Variants in VTI1A observed in about 807,000 individuals in gnomAD.
VTI1A encodes the protein vesicle transport through interaction with t-SNAREs homolog 1A.
VTI1A carries 22 observed loss-of-function variants against 34.9 expected under a neutral mutation model. The observed-to-expected ratio is 0.63, with a 90% CI of 0.45 to 0.90. The LOEUF is 0.90. VTI1A is among the 40% of genes least tolerant of loss of function. VTI1A has a pLI of 0.00. For synonymous variants in VTI1A, 87 were observed against 97.3 expected (o/e 0.89, Z 0.62); for missense variants, 268 against 275.6 (o/e 0.97, Z 0.20).
chr10:112,704,589 C>A (rs1229704990), intron 7 of VTI1A, among the ~76,000 whole-genome samples: 1 of 152,132 alleles, frequency 6.6e-6, no homozygotes, highest in African/African-American at 2.4e-5. Context: ...GAAATTGAGA[C>A]TGTTTTTAAT....
At chr10:112,706,295 C>A (rs1849196093) in intron 7 of VTI1A, among the ~76,000 whole-genome samples, 1 of 152,136 alleles carries the variant, frequency 6.6e-6, no homozygotes, top group Admixed American at 6.6e-5. Flanking sequence ...GTCATCATAG[C>A]CATAGGGATA....
intron 7 of VTI1A, among the ~76,000 whole-genome samples, chr10:112,709,879 CAG>C (rs1486057737): frequency 6.7e-6 from 1 of 148,876 alleles, no homozygotes; most frequent in East Asian, 2.0e-4. Context: ...TTAGTAGAGA[CAG>C]AGTTTCACCA....
intron 5 of VTI1A, among the ~76,000 whole-genome samples, chr10:112,646,237 C>A (rs556599430): frequency 2.5e-4 from 38 of 151,774 alleles, no homozygotes; most frequent in East Asian, 7.7e-4. Context: ...CTGAAAAAAA[C>A]CAAAACAAAA....
At chr10:112,465,722 G>T (rs997582340) in intron 3 of VTI1A, among the ~76,000 whole-genome samples, 4 of 152,136 alleles carry the variant, frequency 2.6e-5, no homozygotes, top group African/African-American at 9.7e-5. Context: ...GAGAAATGGA[G>T]AGTTGTTTCA....
At chr10:112,494,591 C>G (rs905143682) in intron 3 of VTI1A, among the ~76,000 whole-genome samples, 4 of 152,182 alleles carry the variant, frequency 2.6e-5, no homozygotes, top group African/African-American at 7.2e-5. Flanking sequence ...TCACTGCAAC[C>G]TCCGCCTCCC....
At chr10:112,618,693 T>G (rs778875293) in intron 5 of VTI1A, among the ~76,000 whole-genome samples, 1 of 151,700 alleles carries the variant, frequency 6.6e-6, no homozygotes, top group South Asian at 2.1e-4. Flanking sequence ...AGTTAGAACA[T>G]GCATACCATA....
intron 5 of VTI1A, among the ~76,000 whole-genome samples, chr10:112,562,231 CAA>C (rs1851746922): frequency 1.3e-5 from 2 of 152,256 alleles, no homozygotes; most frequent in South Asian, 4.2e-4. Flanking sequence ...CGTCCAGAAA[CAA>C]TGATGTTTTA....
chr10:112,621,095 A>G (rs1414049563), intron 5 of VTI1A, among the ~76,000 whole-genome samples: 4 of 152,302 alleles, frequency 2.6e-5, no homozygotes, highest in East Asian at 1.9e-4. Flanking sequence ...GTAGTTTTCA[A>G]TAATTGCCAT....
At chr10:112,804,715 A>AT (rs1853003628) in intron 7 of VTI1A, among the ~76,000 whole-genome samples, 1 of 152,182 alleles carries the variant, frequency 6.6e-6, no homozygotes, top group Admixed American at 6.5e-5. Flanking sequence ...AAGTTCCCAT[A>AT]GGGCAGGGAC....
chr10:112,830,849 A>ATATATATTTTTTTTTT, the VTI1A span, among the ~76,000 whole-genome samples: 29 of 33,486 alleles, frequency 8.7e-4, no homozygotes, highest in African/African-American at 1.0e-3. Flanking sequence ...ATATATATAT[A>ATATATATTTTTTTTTT]TTTTTTTTTT....
intron 7 of VTI1A, among the ~76,000 whole-genome samples, chr10:112,717,821 G>A (rs1160946154): frequency 6.6e-6 from 1 of 152,178 alleles, no homozygotes; most frequent in African/African-American, 2.4e-5. Flanking sequence ...GTGGCAGGTT[G>A]ACGAAGACCA....
chr10:112,765,794 G>T (rs12217233), intron 7 of VTI1A, among the ~76,000 whole-genome samples: 15,663 of 152,206 alleles, frequency 0.1, 1,203 homozygotes, highest in East Asian at 0.25. Context: ...CCCCTGGAGG[G>T]ATTGTTAAAA....
chr10:112,483,748 T>G (rs1392785498), intron 3 of VTI1A, among the ~76,000 whole-genome samples: 1 of 150,042 alleles, frequency 6.7e-6, no homozygotes, highest in African/African-American at 2.5e-5. Context: ...TGAGAGCCAC[T>G]CAGTCTAGAA....
intron 3 of VTI1A, among the ~76,000 whole-genome samples, chr10:112,519,007 C>G (rs1019952312): frequency 2.6e-5 from 4 of 151,962 alleles, no homozygotes; most frequent in Admixed American, 2.6e-4. Context: ...GCCTAAACAT[C>G]ATAGTTTTAT....
chr10:112,705,919 T>C (rs1207490980), intron 7 of VTI1A, among the ~76,000 whole-genome samples: 2 of 143,520 alleles, frequency 1.4e-5, no homozygotes, highest in South Asian at 4.2e-4. Flanking sequence ...ATGTCTACGA[T>C]TGTCATTTGA....
At chr10:112,614,368 A>G (rs1375140450) in intron 5 of VTI1A, among the ~76,000 whole-genome samples, 1 of 152,134 alleles carries the variant, frequency 6.6e-6, no homozygotes, top group African/African-American at 2.4e-5. Flanking sequence ...AGACCTTACT[A>G]CACTTGAGGG....
intron 7 of VTI1A, among the ~76,000 whole-genome samples, chr10:112,685,308 G>A (rs1848365865): frequency 6.6e-6 from 1 of 152,008 alleles, no homozygotes; most frequent in Non-Finnish European, 1.5e-5. Context: ...TCTTATGTTT[G>A]TCATGTTTTA....
At chr10:112,814,734 G>A (rs1370116488) in intron 7 of VTI1A, among the ~76,000 whole-genome samples, 1 of 152,186 alleles carries the variant, frequency 6.6e-6, no homozygotes. Flanking sequence ...AACGGAGCGT[G>A]AGCCACACTG....
At chr10:112,746,662 G>A (rs568204215) in intron 7 of VTI1A, among the ~76,000 whole-genome samples, 48 of 152,170 alleles carry the variant, frequency 3.2e-4, no homozygotes, top group African/African-American at 1.1e-3. Flanking sequence ...AAATGTTGAG[G>A]GTCCTAAGAG....
Sources: gnomAD v4.1 joint callset for allele counts (sites outside exome capture counted in the v4.1 genomes callset) on GRCh38, gnomAD v4.1.1 for gene constraint, MANE v1.5 for transcripts, NCBI Gene and HGNC (gene_info 2026-07-23, HGNC 2026-07-21) for gene names.